Variants in ASTN2 observed in about 807,000 individuals in gnomAD.
The protein encoded by ASTN2 is astrotactin 2.
In ASTN2, 54 loss-of-function variants were observed where a neutral mutation model predicts 139.8. That is an observed-to-expected ratio of 0.39 (90% CI 0.31 to 0.48). ASTN2 has a LOEUF of 0.48. Ranked by LOEUF, ASTN2 falls within the 20% of genes least tolerant of loss-of-function variation. The pLI, the probability that ASTN2 is intolerant of heterozygous loss-of-function variation, is 0.95. For synonymous variants in ASTN2, 756 were observed against 719.5 expected, an observed-to-expected ratio of 1.05 and a Z score of -0.81; for missense variants, 1,565 against 1,725.1, an observed-to-expected ratio of 0.91 and a Z score of 1.64.
At chr9:116,948,659 T>C (rs1042087692) in intron 10 of ASTN2, among the ~76,000 whole-genome samples, 2 of 151,204 alleles carry the variant, frequency 1.3e-5, no homozygotes, top group Non-Finnish European at 2.9e-5. Flanking sequence ...TTGCTGTCCT[T>C]GAGCCCTTTC....
At chr9:116,601,259 C>A (rs984091046) in intron 19 of ASTN2, among the ~76,000 whole-genome samples, 20 of 152,122 alleles carry the variant, frequency 1.3e-4, no homozygotes, top group African/African-American at 4.8e-4. Flanking sequence ...ATTATTCAAA[C>A]CTTGTACGAT....
intron 20 of ASTN2, among the ~76,000 whole-genome samples, chr9:116,463,908 GTTT>G (rs71502069): frequency 2.6e-5 from 3 of 115,924 alleles, no homozygotes; most frequent in Non-Finnish European, 3.5e-5. Context: ...AGAGTTTTGT[GTTT>G]TTTTTTTTTT....
chr9:117,159,777 C>G (rs1298069267), intron 3 of ASTN2, among the ~76,000 whole-genome samples: 1 of 152,040 alleles, frequency 6.6e-6, no homozygotes, highest in African/African-American at 2.4e-5. Flanking sequence ...AATTTGCAAG[C>G]TGAGATTTAA....
At chr9:116,606,789 GA>G (rs1261214032) in intron 19 of ASTN2, among the ~76,000 whole-genome samples, 1 of 151,882 alleles carries the variant, frequency 6.6e-6, no homozygotes, top group Non-Finnish European at 1.5e-5. Context: ...AATAGCTTGT[GA>G]AAAAGGTGCT....
chr9:116,605,277 T>C (rs1001964767), intron 19 of ASTN2, among the ~76,000 whole-genome samples: 8 of 152,106 alleles, frequency 5.3e-5, no homozygotes, highest in African/African-American at 1.9e-4. Flanking sequence ...GCTCCAGATG[T>C]TGCTGCCTTG....
At chr9:116,563,854 TTTCTCTC>T (rs2131669395) in intron 19 of ASTN2, among the ~76,000 whole-genome samples, 1 of 152,326 alleles carries the variant, frequency 6.6e-6, no homozygotes, top group South Asian at 2.1e-4. Context: ...GACAAGGAGT[TTTCTCTC>T]TTTGGTTAAC....
At position 116,698,243 on chromosome 9, in the gene ASTN2, G is replaced by A. The variant is rs200085883; in HGVS notation, c.2806+27528C>T. 105 of 1,614,024 alleles carry A rather than the reference G, an allele frequency of 6.5e-5. No individual in the cohort carries two copies. Among genetic ancestry groups the A allele is most frequent in the Middle Eastern group, 3.3e-4 (2 of 6,084 alleles). The stretch of plus-strand genomic sequence containing the variant: ...TTATGGGGGAGCTGCAGCGGCGGAA[G>A]GCAGCCTTGGAAGGTGTCTCCAAGG... On this transcript the variant is annotated intron_variant, in intron 16 of 22. Transcript: ENST00000313400. This position sits in a 1 kb window ranked among gnomAD's most constrained non-coding sequence, Gnocchi z 4.4.
chr9:116,815,577 G>A (rs572566084), intron 12 of ASTN2, among the ~76,000 whole-genome samples: 4 of 151,018 alleles, frequency 2.6e-5, no homozygotes, highest in Admixed American at 6.6e-5. Flanking sequence ...AGGCTGAGGC[G>A]GGTGGATCAC....
At chr9:116,702,629 C>A (rs944674387) in intron 16 of ASTN2, among the ~76,000 whole-genome samples, 26 of 152,056 alleles carry the variant, frequency 1.7e-4, no homozygotes, top group African/African-American at 6.3e-4. Flanking sequence ...TAATGGGACT[C>A]CAGTAACCCG....
chr9:117,145,823 CT>C (rs199661649), intron 3 of ASTN2, among the ~76,000 whole-genome samples: 3 of 152,156 alleles, frequency 2.0e-5, no homozygotes, highest in African/African-American at 4.8e-5. Context: ...GCTTCCCTCT[CT>C]TTTTTTTCAT....
chr9:117,325,149 G>A (rs955441523), intron 1 of ASTN2, among the ~76,000 whole-genome samples: 8 of 152,120 alleles, frequency 5.3e-5, no homozygotes, highest in East Asian at 1.9e-4. Flanking sequence ...GACAAGAGAC[G>A]CCATCTGAAG....
chr9:117,350,883 A>C (rs1829366595), intron 1 of ASTN2, among the ~76,000 whole-genome samples: 1 of 152,224 alleles, frequency 6.6e-6, no homozygotes, highest in Non-Finnish European at 1.5e-5. Context: ...TCAGTACTCA[A>C]GTCACAAAGT....
chr9:116,525,496 C>T (rs1432244501), intron 19 of ASTN2, among the ~76,000 whole-genome samples: 1 of 152,142 alleles, frequency 6.6e-6, no homozygotes, highest in Non-Finnish European at 1.5e-5. Context: ...GCCTTTGCAC[C>T]ACAGATGGCT....
At chr9:116,781,042 G>A (rs1830206839) in intron 13 of ASTN2, among the ~76,000 whole-genome samples, 1 of 152,100 alleles carries the variant, frequency 6.6e-6, no homozygotes, top group Non-Finnish European at 1.5e-5. Context: ...GTTTCTCCAT[G>A]TTGGTCAGGC....
chr9:117,243,735 C>T lies in ASTN2; in HGVS notation c.631-28993G>A, dbSNP rs114708180. ...CTGATCCTTATTTCCAACTAAAATT[C>T]TTAACCCCGCCACCCCTCCCCATGA... is the stretch of plus-strand genomic sequence containing the variant. On this transcript the variant is annotated intron_variant, in intron 2 of 22. Coordinates refer to ENST00000313400, the MANE Select transcript of ASTN2 (RefSeq NM_001365068.1). 5.8e-3 allele frequency among the ~76,000 whole-genome samples: 888 copies of T among 152,274 alleles called. 12 individuals are homozygous for T. The highest frequency in any genetic ancestry group is 0.021 in the African/African-American group (855 of 41,572).
intron 1 of ASTN2, among the ~76,000 whole-genome samples, chr9:117,305,421 TC>T (rs1217540862): frequency 6.6e-6 from 1 of 152,062 alleles, no homozygotes; most frequent in Non-Finnish European, 1.5e-5. Context: ...AGGCTGAAAT[TC>T]CCTGCTATTT....
At chr9:116,709,505 C>A (rs971885547) in intron 16 of ASTN2, among the ~76,000 whole-genome samples, 1 of 152,220 alleles carries the variant, frequency 6.6e-6, no homozygotes, top group Non-Finnish European at 1.5e-5. Flanking sequence ...CCTTTTAGCA[C>A]TGAATACCCT....
At chr9:116,836,803 G>A (rs1052984004) in intron 11 of ASTN2, among the ~76,000 whole-genome samples, 3 of 151,848 alleles carry the variant, frequency 2.0e-5, no homozygotes, top group African/African-American at 7.3e-5. Flanking sequence ...AGGGTTTTTG[G>A]TTGTATTTAG....
At chr9:116,897,808 AC>A (rs1833914807) in intron 10 of ASTN2, among the ~76,000 whole-genome samples, 1 of 152,198 alleles carries the variant, frequency 6.6e-6, no homozygotes. Flanking sequence ...TGGGTAGGTT[AC>A]ATATCTGGAA....
Sources: allele counts gnomAD v4.1 joint callset (sites outside exome capture counted in the v4.1 genomes callset), GRCh38; gene constraint gnomAD v4.1.1; non-coding constraint Gnocchi (gnomAD v3.1); transcripts MANE v1.5; gene names NCBI Gene and HGNC (gene_info 2026-07-23, HGNC 2026-07-21).